The following PARD3B variants were observed in gnomAD, a reference collection of about 807,000 sequenced individuals.
PARD3B encodes par-3 family cell polarity regulator beta.
Under a neutral mutation model 130.2 loss-of-function variants are expected in PARD3B, and 103 were observed. The ratio of observed to expected loss-of-function variants is 0.79; its 90% CI spans 0.67 to 0.93. The LOEUF (loss-of-function observed/expected upper bound fraction) is 0.93, where lower values mean the gene tolerates loss of function less well. PARD3B is among the 40% of genes least tolerant of loss of function. PARD3B has a pLI of 0.00. For missense variants in PARD3B, 1,609 were observed against 1,499.2 expected (o/e 1.07, Z -1.21); for synonymous variants, 583 against 553.2 (o/e 1.05, Z -0.76).
At chr2:205,178,864 A>G (rs187596297) in intron 13 of PARD3B, among the ~76,000 whole-genome samples, 637 of 152,288 alleles carry the variant, frequency 4.2e-3, no homozygotes, top group African/African-American at 0.013. Context: ...CTAATGCTAT[A>G]CTATAATTTT....
In PARD3B at chr2:205,568,110, C is replaced by T. The variant is rs916700825; in HGVS notation, c.3260+14707C>T. ...GCAGCACAGATGCTTGGATAAGGAC[C>T]GTAGTGGACAGAAGTGCTGCAGTGA... On this transcript the variant is annotated intron_variant, in intron 22 of 22. Coordinates refer to ENST00000406610, the MANE Select transcript of PARD3B (RefSeq NM_001302769.2). This position sits in a 1 kb window ranked among gnomAD's most constrained non-coding sequence, Gnocchi z 5.3. 2.0e-5 allele frequency among the ~76,000 whole-genome samples: 3 copies of T among 152,180 alleles called. No homozygotes were observed. Among genetic ancestry groups the T allele is most frequent in the East Asian group, 1.9e-4 (1 of 5,190 alleles).
chr2:205,482,864 G>A (rs979065963), intron 20 of PARD3B: 1 of 152,098 alleles, frequency 6.6e-6, no homozygotes, highest in Admixed American at 6.6e-5. Context: ...CCACTGACAA[G>A]GATTTGTGGC....
intron 4 of PARD3B, among the ~76,000 whole-genome samples, chr2:205,065,222 C>G (rs1700293952): frequency 6.6e-6 from 1 of 152,042 alleles, no homozygotes; most frequent in Non-Finnish European, 1.5e-5. Flanking sequence ...TCAAAGATGC[C>G]ACAGATAGAG....
At chr2:205,433,406 C>A (rs1307092197) in intron 19 of PARD3B, among the ~76,000 whole-genome samples, 4 of 151,956 alleles carry the variant, frequency 2.6e-5, no homozygotes, top group African/African-American at 7.3e-5. Flanking sequence ...GTGACAGGCA[C>A]CTGTAATCCC....
At chr2:205,094,649 C>T (rs1337196281) in intron 4 of PARD3B, among the ~76,000 whole-genome samples, 1 of 152,052 alleles carries the variant, frequency 6.6e-6, no homozygotes, top group Non-Finnish European at 1.5e-5. Flanking sequence ...ACATTTTCAT[C>T]CTGAAGATTT....
rs147311512 is a variant in PARD3B, at chr2:205,404,248, G to C, written c.2741+3125G>C. ...GTTCCCAAAAGTAAAATTTAAATTT[G>C]CTGTGCCAAGTACTACATTGAAGCT... On this transcript the variant is annotated intron_variant, in intron 19 of 22. Transcript: ENST00000406610. Among the ~76,000 whole-genome samples the C allele has an allele frequency of 6.4e-3, 975 of 152,272 alleles. 12 individuals are homozygous for C. Among genetic ancestry groups the C allele is most frequent in the African/African-American group, 0.021 (875 of 41,556 alleles).
chr2:204,762,688 A>G (rs979136168), intron 2 of PARD3B, among the ~76,000 whole-genome samples: 5 of 151,080 alleles, frequency 3.3e-5, no homozygotes, highest in East Asian at 3.9e-4. Context: ...TGAATCTTAT[A>G]TGTTTTCTTT....
At chr2:204,825,695 C>T (rs2043542160) in intron 2 of PARD3B, among the ~76,000 whole-genome samples, 1 of 152,152 alleles carries the variant, frequency 6.6e-6, no homozygotes, top group African/African-American at 2.4e-5. Context: ...AAATTCGATT[C>T]TCCTATATAT....
At position 205,562,213 on chromosome 2, in the gene PARD3B, A is replaced by G. The variant is rs1248422361; in HGVS notation, c.3260+8810A>G. Among the ~76,000 whole-genome samples, 2 of 152,178 alleles carry G rather than the reference A, an allele frequency of 1.3e-5. No individual in the cohort carries two copies. The highest frequency in any genetic ancestry group is 2.1e-4 in the South Asian group (1 of 4,828). On this transcript the variant is annotated intron_variant, in intron 22 of 22. Transcript: ENST00000406610. The surrounding 1 kb of genome is among the most constrained non-coding windows in gnomAD (Gnocchi z 5.4). ...GTCCATTTTAATCAAACTTTTCATCATTTCCTCGTAGCCAATATATCCTTG... is the reference window on the plus strand; with the variant it reads ...GTCCATTTTAATCAAACTTTTCATCGTTTCCTCGTAGCCAATATATCCTTG...
At chr2:204,585,023 G>A (rs1369118019) in intron 1 of PARD3B, among the ~76,000 whole-genome samples, 2 of 152,182 alleles carry the variant, frequency 1.3e-5, no homozygotes, top group African/African-American at 4.8e-5. Flanking sequence ...CAACCTTGGA[G>A]GGAGCTAGGA....
rs1399329942 is a variant in PARD3B at position 204,653,222 on chromosome 2, A to C, written c.121-32959A>C. On this transcript the variant is annotated intron_variant, in intron 1 of 22. Coordinates refer to ENST00000406610, the MANE Select transcript of PARD3B (RefSeq NM_001302769.2). ...AATCTGTAAATGAAACCCCAATGAC[A>C]CCAATTTACCTACATAACAAACGTA... Among the ~76,000 whole-genome samples the C allele has an allele frequency of 2.0e-5, 3 of 150,624 alleles. No individual in the cohort carries two copies. The East Asian group carries it at 5.8e-4, about 29-fold the overall frequency.
intron 16 of PARD3B, among the ~76,000 whole-genome samples, chr2:205,285,994 A>T (rs2041382070): frequency 6.6e-6 from 1 of 152,206 alleles, no homozygotes; most frequent in Middle Eastern, 3.2e-3. Context: ...TTTTGTACAT[A>T]CATAATTTCA....
At chr2:205,371,733 C>T (rs2105909230) in intron 18 of PARD3B, among the ~76,000 whole-genome samples, 1 of 152,184 alleles carries the variant, frequency 6.6e-6, no homozygotes, top group African/African-American at 2.4e-5. Flanking sequence ...ATTCACATGC[C>T]ATAAAATTCA....
At chr2:205,115,929 A>AT (rs910016984) in intron 6 of PARD3B, among the ~76,000 whole-genome samples, 2 of 152,002 alleles carry the variant, frequency 1.3e-5, no homozygotes, top group African/African-American at 2.4e-5. Flanking sequence ...CCTCCAATGT[A>AT]TTTTTTTATT....
In PARD3B at chr2:205,116,270, TCA is replaced by T. The variant is rs1252123013; in HGVS notation, c.681-2650_681-2649del. Among the ~76,000 whole-genome samples, 2 of 152,130 alleles carry T rather than the reference TCA, an allele frequency of 1.3e-5. No individual in the cohort carries two copies. Among genetic ancestry groups the T allele is most frequent in the Non-Finnish European group, 2.9e-5 (2 of 68,044 alleles). ...TTTCAGTACAGATGCATAATATGCCTCAGTTTCATAGGGAAGACAGCTAAACA... is the reference window on the plus strand; with the variant it reads ...TTTCAGTACAGATGCATAATATGCCTGTTTCATAGGGAAGACAGCTAAACA... On this transcript the variant is annotated intron_variant, in intron 6 of 22. Coordinates refer to ENST00000406610, the MANE Select transcript of PARD3B (RefSeq NM_001302769.2). This position sits in a 1 kb window ranked among gnomAD's most constrained non-coding sequence, Gnocchi z 4.5.
chr2:204,649,851 T>C (rs2035416740), intron 1 of PARD3B, among the ~76,000 whole-genome samples: 1 of 152,280 alleles, frequency 6.6e-6, no homozygotes, highest in Admixed American at 6.5e-5. Flanking sequence ...GACTTAGGAA[T>C]GGGCAAAGAG....
chr2:205,508,088 T>C (rs1465143166), intron 21 of PARD3B, among the ~76,000 whole-genome samples: 1 of 152,202 alleles, frequency 6.6e-6, no homozygotes, highest in Non-Finnish European at 1.5e-5. Flanking sequence ...GTTGTAGGGA[T>C]AGTGAAAGAG....
chr2:205,424,433 G>A (rs1252001518), intron 19 of PARD3B, among the ~76,000 whole-genome samples: 2 of 152,078 alleles, frequency 1.3e-5, no homozygotes, highest in African/African-American at 4.8e-5. Context: ...GAGTGTCCAG[G>A]GCCTTGGGAA....
chr2:204,947,900 T>A (rs1689461174), intron 2 of PARD3B, among the ~76,000 whole-genome samples: 1 of 152,196 alleles, frequency 6.6e-6, no homozygotes, highest in African/African-American at 2.4e-5. Flanking sequence ...AATATCATAA[T>A]CATAATTTTG....
Sources: gnomAD v4.1 joint callset for allele counts (sites outside exome capture counted in the v4.1 genomes callset) on GRCh38, gnomAD v4.1.1 for gene constraint, Gnocchi (gnomAD v3.1) non-coding constraint, MANE v1.5 for transcripts, NCBI Gene and HGNC (gene_info 2026-07-23, HGNC 2026-07-21) for gene names.